Variants in NKAIN3 observed in about 807,000 individuals in gnomAD.
The protein encoded by NKAIN3 is sodium/potassium-transporting ATPase subunit beta-1-interacting protein 3.
NKAIN3 carries 25 observed loss-of-function variants against 30.2 expected under a neutral mutation model. The ratio of observed to expected loss-of-function variants is 0.83; its 90% CI spans 0.60 to 1.16. The LOEUF is 1.16. Ranked by LOEUF, NKAIN3 falls within the 50% of genes most tolerant of loss-of-function variation. The probability of loss-of-function intolerance (pLI) is 0.00; values close to 1 mark genes in which losing one functional copy is unlikely to be tolerated. For missense variants in NKAIN3, 225 were observed against 254.1 expected (o/e 0.89, Z 0.78); for synonymous variants, 91 against 89.6 (o/e 1.02, Z -0.09).
intron 1 of NKAIN3, among the ~76,000 whole-genome samples, chr8:62,260,336 G>A (rs1222218506): frequency 6.6e-6 from 1 of 152,110 alleles, no homozygotes; most frequent in African/African-American, 2.4e-5. Context: ...GTAACTAGCT[G>A]TAAATGATCA....
chr8:62,900,799 T>C (rs773723647), intron 4 of NKAIN3, among the ~76,000 whole-genome samples: 1 of 152,168 alleles, frequency 6.6e-6, no homozygotes, highest in Non-Finnish European at 1.5e-5. Flanking sequence ...ACTCTAATAG[T>C]AGTGGCAAAG....
chr8:62,691,903 G>GTCT (rs1813979760), intron 3 of NKAIN3, among the ~76,000 whole-genome samples: 1 of 152,170 alleles, frequency 6.6e-6, no homozygotes, highest in Admixed American at 6.5e-5. Context: ...AAGCTAATAG[G>GTCT]TCTTCTGGAC....
At position 62,314,980 on chromosome 8, in the gene NKAIN3, C is replaced by T. The variant is rs138899370; in HGVS notation, c.54+65853C>T. ...ATGATTTGTCCAGTGTGCTTATTTC[C>T]ACCAGCTGTGCTCAGCTTATAGGAC... On this transcript the variant is annotated intron_variant, in intron 1 of 6. Transcript: ENST00000623646. Among the ~76,000 whole-genome samples the T allele has an allele frequency of 3.6e-3, 551 of 152,194 alleles. 2 individuals are homozygous for T. Among genetic ancestry groups the T allele is most frequent in the Non-Finnish European group, 4.4e-3 (298 of 68,014 alleles).
At chr8:62,329,927 G>A (rs1274657797) in intron 1 of NKAIN3, among the ~76,000 whole-genome samples, 1 of 151,930 alleles carries the variant, frequency 6.6e-6, no homozygotes, top group African/African-American at 2.4e-5. Context: ...TGCCTTCAAG[G>A]AGCTACTAGC....
chr8:62,390,090 A>T (rs77512780), intron 1 of NKAIN3, among the ~76,000 whole-genome samples: 21,025 of 151,822 alleles, frequency 0.14, 1,727 homozygotes, highest in East Asian at 0.4. Flanking sequence ...TGGTAACTTG[A>T]GATATAGGTA....
At position 62,801,979 on chromosome 8, in the gene NKAIN3, C is replaced by A. The variant is rs564049648; in HGVS notation, c.471+54850C>A. Among the ~76,000 whole-genome samples, 269 of 152,152 alleles carry A rather than the reference C, an allele frequency of 1.8e-3. 1 individual carries two copies. Among genetic ancestry groups the A allele is most frequent in the Non-Finnish European group, 2.8e-3 (188 of 68,018 alleles). On this transcript the variant is annotated intron_variant, in intron 4 of 6. Transcript: ENST00000623646. The stretch of plus-strand genomic sequence containing the variant: ...GAGAACTATGTGAAGAATGTAGAAG[C>A]CTCAGGAGCTGATGTGATCAACTGG...
chr8:62,834,498 G>A (rs984328310), intron 4 of NKAIN3, among the ~76,000 whole-genome samples: 3 of 152,008 alleles, frequency 2.0e-5, no homozygotes, highest in Admixed American at 6.6e-5. Flanking sequence ...CAAAATCAAT[G>A]TATGAAAACC....
At chr8:62,407,602 T>C (rs1438018726) in intron 1 of NKAIN3, among the ~76,000 whole-genome samples, 2 of 152,104 alleles carry the variant, frequency 1.3e-5, no homozygotes, top group Non-Finnish European at 2.9e-5. Flanking sequence ...TTTTGTAAAT[T>C]TTGTATTTTT....
intron 4 of NKAIN3, among the ~76,000 whole-genome samples, chr8:62,783,081 G>T (rs961192554): frequency 6.6e-6 from 1 of 151,864 alleles, no homozygotes; most frequent in Non-Finnish European, 1.5e-5. Flanking sequence ...ATTAATAAAA[G>T]ATAAAATAAA....
intron 5 of NKAIN3, among the ~76,000 whole-genome samples, chr8:62,922,882 T>C (rs1001736682): frequency 6.6e-6 from 1 of 152,118 alleles, no homozygotes; most frequent in Non-Finnish European, 1.5e-5. Flanking sequence ...CTCTGCCAAA[T>C]AGCTACACAA....
At chr8:62,721,657 C>T (rs1176078113) in intron 3 of NKAIN3, among the ~76,000 whole-genome samples, 1 of 151,996 alleles carries the variant, frequency 6.6e-6, no homozygotes, top group Non-Finnish European at 1.5e-5. Context: ...TAGATATGAA[C>T]AAGAAAAAAA....
chr8:62,864,249 G>A, intron 4 of NKAIN3: 1 of 861,100 alleles, frequency 1.2e-6, no homozygotes, highest in African/African-American at 1.7e-5. Context: ...ATTAGAGGAG[G>A]CGGCCGAGGC....
At chr8:62,667,370 T>C (rs1019815010) in intron 3 of NKAIN3, among the ~76,000 whole-genome samples, 1 of 145,058 alleles carries the variant, frequency 6.9e-6, no homozygotes, top group Non-Finnish European at 1.5e-5. Flanking sequence ...TGTATATATA[T>C]ATATAAATAT....
intron 1 of NKAIN3, among the ~76,000 whole-genome samples, chr8:62,576,367 T>G (rs1260411123): frequency 6.6e-6 from 1 of 152,148 alleles, no homozygotes; most frequent in East Asian, 1.9e-4. Context: ...CCTTTAGATT[T>G]TCTTTATTTC....
At chr8:62,647,347 A>T (rs780158636) in intron 3 of NKAIN3, among the ~76,000 whole-genome samples, 1 of 152,210 alleles carries the variant, frequency 6.6e-6, no homozygotes, top group Non-Finnish European at 1.5e-5. Flanking sequence ...AAAGTTGTTC[A>T]TCCATTAGGC....
At chr8:62,833,948 C>T (rs189037148) in intron 4 of NKAIN3, among the ~76,000 whole-genome samples, 1,627 of 149,422 alleles carry the variant, frequency 0.011, 28 homozygotes, top group African/African-American at 0.039. Context: ...CAAACTGAAG[C>T]TAGAAATCAC....
chr8:62,307,392 T>C (rs1435445751), intron 1 of NKAIN3, among the ~76,000 whole-genome samples: 1 of 149,802 alleles, frequency 6.7e-6, no homozygotes, highest in Admixed American at 6.6e-5. Context: ...CTTTATCCCC[T>C]CCTCTGTCCC....
intron 4 of NKAIN3, among the ~76,000 whole-genome samples, chr8:62,889,835 C>T (rs1821251417): frequency 6.6e-6 from 1 of 151,832 alleles, no homozygotes; most frequent in East Asian, 1.9e-4. Flanking sequence ...TTGGGATGAG[C>T]GTGGCATAAC....
intron 1 of NKAIN3, among the ~76,000 whole-genome samples, chr8:62,275,631 T>C: frequency 6.6e-6 from 1 of 152,194 alleles, no homozygotes; most frequent in East Asian, 1.9e-4. Flanking sequence ...AGCTAAATGT[T>C]TTTAGGTTAA....
Sources: gnomAD v4.1 joint callset for allele counts (sites outside exome capture counted in the v4.1 genomes callset) on GRCh38, gnomAD v4.1.1 for gene constraint, MANE v1.5 for transcripts, NCBI Gene and HGNC (gene_info 2026-07-23, HGNC 2026-07-21) for gene names.